The following SNX7 variants were observed in gnomAD, a reference collection of about 807,000 sequenced individuals.
SNX7 encodes the protein sorting nexin 7.
Under a neutral mutation model 48.4 loss-of-function variants are expected in SNX7, and 35 were observed. The observed-to-expected ratio is 0.72, with a 90% confidence interval of 0.55 to 0.96. The LOEUF (loss-of-function observed/expected upper bound fraction) is 0.96. SNX7 is among the 40% of genes least tolerant of loss of function. The pLI is 0.00. For synonymous variants in SNX7, 190 were observed against 190.2 expected, an observed-to-expected ratio of 1.00 and a Z score of 0.01; for missense variants, 553 against 548.9, an observed-to-expected ratio of 1.01 and a Z score of -0.07.
chr1:98,674,330 G>A (rs1276205558), intron 1 of SNX7, among the ~76,000 whole-genome samples: 2 of 152,128 alleles, frequency 1.3e-5, no homozygotes, highest in South Asian at 4.1e-4. Context: ...CCAGAAGTCT[G>A]ACATCAAGAA....
intron 7 of SNX7, among the ~76,000 whole-genome samples, chr1:98,720,730 G>A (rs528606309): frequency 7.2e-5 from 11 of 152,162 alleles, no homozygotes; most frequent in African/African-American, 2.2e-4. Context: ...CATTTTGGAC[G>A]GTCCAGAATG....
intron 7 of SNX7, among the ~76,000 whole-genome samples, chr1:98,737,121 G>A (rs147632329): frequency 3.3e-5 from 5 of 150,378 alleles, no homozygotes; most frequent in East Asian, 2.0e-4. Context: ...TGGTCTTTCC[G>A]TTCTTAAATC....
At chr1:98,712,646 A>G (rs1054797495) in intron 7 of SNX7, among the ~76,000 whole-genome samples, 5 of 152,206 alleles carry the variant, frequency 3.3e-5, no homozygotes, top group African/African-American at 1.2e-4. Flanking sequence ...TTAGGGCACT[A>G]GGATTATCAG....
At chr1:98,715,248 A>G (rs1399416583) in intron 7 of SNX7, among the ~76,000 whole-genome samples, 1 of 152,138 alleles carries the variant, frequency 6.6e-6, no homozygotes, top group Non-Finnish European at 1.5e-5. Context: ...ATTTTGTAGC[A>G]TGCCTCCTAT....
intron 8 of SNX7, among the ~76,000 whole-genome samples, chr1:98,742,285 A>G (rs1328136198): frequency 1.3e-5 from 2 of 152,110 alleles, no homozygotes; most frequent in African/African-American, 2.4e-5. Context: ...AAAGGTGTCT[A>G]TGGCACATAG....
chr1:98,726,970 G>A (rs1653208754), intron 7 of SNX7, among the ~76,000 whole-genome samples: 1 of 152,148 alleles, frequency 6.6e-6, no homozygotes, highest in African/African-American at 2.4e-5. Flanking sequence ...CAGCACTTTG[G>A]GAGGCTGAGG....
chr1:98,698,660 A>G lies in SNX7; in HGVS notation c.839-46A>G, dbSNP rs558094903. Reference sequence around the variant, plus strand: ...CTCTCTAGGATACAGGTATTTTGAAAACTTTTGTTTATTGAAGAGCTTATT... The same window carrying G: ...CTCTCTAGGATACAGGTATTTTGAAGACTTTTGTTTATTGAAGAGCTTATT... On this transcript the variant is annotated intron_variant, in intron 5 of 8. Coordinates refer to ENST00000306121, the MANE Select transcript of SNX7 (RefSeq NM_015976.5). 2.1e-4 allele frequency: 321 copies of G among 1,541,690 alleles called. 1 individual carries two copies. Among genetic ancestry groups the G allele is most frequent in the Middle Eastern group, 1.6e-3 (9 of 5,708 alleles).
At chr1:98,701,307 T>G (rs542579907) in intron 6 of SNX7, among the ~76,000 whole-genome samples, 3 of 152,170 alleles carry the variant, frequency 2.0e-5, no homozygotes, top group Non-Finnish European at 4.4e-5. Flanking sequence ...AATAAAATGC[T>G]TAGGATATGA....
chr1:98,679,715 CA>C (rs1436071649), intron 1 of SNX7, among the ~76,000 whole-genome samples: 1 of 152,160 alleles, frequency 6.6e-6, no homozygotes, highest in Non-Finnish European at 1.5e-5. Flanking sequence ...CTTAAAACTC[CA>C]AAATGATCTC....
chr1:98,707,046 C>A (rs1425879991), intron 7 of SNX7, among the ~76,000 whole-genome samples: 1 of 152,094 alleles, frequency 6.6e-6, no homozygotes, highest in Non-Finnish European at 1.5e-5. Context: ...GTATTTAAAG[C>A]TATAACATTT....
intron 7 of SNX7, among the ~76,000 whole-genome samples, chr1:98,734,265 T>G (rs972348309): frequency 5.9e-5 from 9 of 152,178 alleles, no homozygotes; most frequent in African/African-American, 1.9e-4. Flanking sequence ...TCCATTATGG[T>G]ATGTATCCCA....
chr1:98,728,830 C>A (rs1336702838), intron 7 of SNX7, among the ~76,000 whole-genome samples: 1 of 152,082 alleles, frequency 6.6e-6, no homozygotes, highest in Non-Finnish European at 1.5e-5. Context: ...GCTTAGATTC[C>A]CACATAATAA....
chr1:98,678,911 T>C (rs541966838), intron 1 of SNX7, among the ~76,000 whole-genome samples: 5 of 152,262 alleles, frequency 3.3e-5, no homozygotes, highest in East Asian at 3.9e-4. Flanking sequence ...TACACTAATA[T>C]AGTTTGGAGT....
At chr1:98,731,502 C>T (rs1653512639) in intron 7 of SNX7, among the ~76,000 whole-genome samples, 1 of 152,064 alleles carries the variant, frequency 6.6e-6, no homozygotes. Flanking sequence ...TCATGTCAAA[C>T]TTTCCATAAC....
At chr1:98,702,505 T>C (rs1232097706) in intron 7 of SNX7, among the ~76,000 whole-genome samples, 2 of 152,178 alleles carry the variant, frequency 1.3e-5, no homozygotes, top group African/African-American at 4.8e-5. Flanking sequence ...AAATTTTTAC[T>C]GAAGTATTCT....
chr1:98,675,302 G>T (rs1195761016), intron 1 of SNX7, among the ~76,000 whole-genome samples: 3 of 152,050 alleles, frequency 2.0e-5, no homozygotes, highest in East Asian at 3.9e-4. Flanking sequence ...TTTTATTGAA[G>T]TGAATATAAA....
intron 7 of SNX7, among the ~76,000 whole-genome samples, chr1:98,720,292 C>A (rs552353114): frequency 6.6e-6 from 1 of 152,082 alleles, no homozygotes; most frequent in African/African-American, 2.4e-5. Flanking sequence ...TGTTGTTAAT[C>A]TTTGTCTCCT....
At chr1:98,724,765 C>G (rs1653079384) in intron 7 of SNX7, among the ~76,000 whole-genome samples, 1 of 152,110 alleles carries the variant, frequency 6.6e-6, no homozygotes, top group Non-Finnish European at 1.5e-5. Flanking sequence ...TAATAAATTG[C>G]AGTGATTTAA....
In SNX7 at chr1:98,691,180, A is replaced by T; in HGVS notation, c.469A>T (p.Ile157Phe). 1 of 1,594,258 alleles carries T rather than the reference A, an allele frequency of 6.3e-7. No individual in the cohort carries two copies. Among genetic ancestry groups the T allele is most frequent in the East Asian group, 2.3e-5 (1 of 44,046 alleles). The change falls in exon 3 of 9, where the codon ATT (isoleucine) becomes TTT (phenylalanine). Residue 157 changes from isoleucine (I) to phenylalanine (F), a missense_variant. Coordinates refer to ENST00000306121, the MANE Select transcript of SNX7 (RefSeq NM_015976.5). Reference sequence around the variant, plus strand: ...GGAAGAAGCACACCCCACTCTGATTATTCCAGTAAGTTTGCAAAATTTTTT... The same window carrying T: ...GGAAGAAGCACACCCCACTCTGATTTTTCCAGTAAGTTTGCAAAATTTTTT... ...KLEEAHPTLI[I>F]PPLPEKFIVK... is the part of the protein sequence containing the mutation.
Sources: allele counts gnomAD v4.1 joint callset (sites outside exome capture counted in the v4.1 genomes callset), GRCh38; gene constraint gnomAD v4.1.1; transcripts MANE v1.5; gene names NCBI Gene and HGNC (gene_info 2026-07-23, HGNC 2026-07-21).